Variants in PRPSAP1 observed in about 807,000 individuals in gnomAD.
The protein encoded by PRPSAP1 is phosphoribosyl pyrophosphate synthetase associated protein 1, also known as phosphoribosyl pyrophosphate synthase-associated protein 1.
Under a neutral mutation model 39.4 loss-of-function variants are expected in PRPSAP1, and 31 were observed. That is an observed-to-expected ratio of 0.79 (90% confidence interval 0.59 to 1.06). The LOEUF is 1.06. PRPSAP1 is among the 50% of genes least tolerant of loss of function. The pLI, the probability that PRPSAP1 is intolerant of heterozygous loss-of-function variation, is 0.00. For missense variants in PRPSAP1, 430 were observed against 511.6 expected, an observed-to-expected ratio of 0.84 and a Z score of 1.54; for synonymous variants, 212 against 192.6, an observed-to-expected ratio of 1.10 and a Z score of -0.83.
intron 3 of PRPSAP1, among the ~76,000 whole-genome samples, chr17:76,336,253 C>A (rs955532864): frequency 2.0e-5 from 3 of 152,170 alleles, no homozygotes; most frequent in Non-Finnish European, 2.9e-5. Flanking sequence ...GCCTAACCAA[C>A]ATGGTGAAAG....
At chr17:76,331,575 C>G (rs1291693251) in intron 4 of PRPSAP1, among the ~76,000 whole-genome samples, 1 of 152,124 alleles carries the variant, frequency 6.6e-6, no homozygotes, top group Non-Finnish European at 1.5e-5. Flanking sequence ...TATGCAAATA[C>G]TATGGCATTT....
chr17:76,352,372 G>A (rs1444055259), intron 1 of PRPSAP1, among the ~76,000 whole-genome samples: 2 of 152,114 alleles, frequency 1.3e-5, no homozygotes, highest in African/African-American at 2.4e-5. Flanking sequence ...TTCACCGGGC[G>A]CGGTGGCTGA....
chr17:76,320,045 G>A lies in PRPSAP1; in HGVS notation c.782-6154C>T, dbSNP rs111560040. ...AGCACTTTGGGAGGCCAAGGCAGGC[G>A]GATCACTTGAGGTCAGGAGATGGAG... is the stretch of plus-strand genomic sequence containing the variant. On this transcript the variant is annotated intron_variant, in intron 7 of 9. Transcript: ENST00000446526. Among the ~76,000 whole-genome samples, 32 of 152,042 alleles carry A rather than the reference G, an allele frequency of 2.1e-4. No individual in the cohort carries two copies. The East Asian group carries it at 3.9e-3, about 19-fold the overall frequency.
intron 2 of PRPSAP1, among the ~76,000 whole-genome samples, chr17:76,346,556 ACT>A (rs2071503101): frequency 6.6e-6 from 1 of 152,208 alleles, no homozygotes; most frequent in Admixed American, 6.6e-5. Flanking sequence ...CAGTGATGCC[ACT>A]GAGATGGCGC....
At chr17:76,343,694 G>A (rs756634008) in intron 3 of PRPSAP1, among the ~76,000 whole-genome samples, 1 of 152,026 alleles carries the variant, frequency 6.6e-6, no homozygotes, top group Non-Finnish European at 1.5e-5. Flanking sequence ...AATTAACTGG[G>A]CATGGTGGTG....
In PRPSAP1 at chr17:76,353,708, C is replaced by T. The variant is rs2071608321; in HGVS notation, c.-5G>A. 1.4e-6 allele frequency: 2 copies of T among 1,457,050 alleles called. No individual in the cohort carries two copies. Among genetic ancestry groups the T allele is most frequent in the Non-Finnish European group, 1.8e-6 (2 of 1,112,336 alleles). 90.3% of individuals were successfully genotyped at this position (1,457,050 alleles called of 1,614,324 possible). A position where few individuals can be genotyped will look rare whatever the true frequency, so the allele number is the denominator to read the frequency against. On this transcript the variant is annotated 5_prime_UTR_variant, in exon 1 of 10. Coordinates refer to ENST00000446526, the MANE Select transcript of PRPSAP1 (RefSeq NM_002766.3). ...CAGCAGCAGCTTCTTGGGCATCGTC[C>T]GGCCCGCGGCGCGGTTACGACCGGC...
At chr17:76,333,700 C>T (rs2071350020) in intron 3 of PRPSAP1, among the ~76,000 whole-genome samples, 3 of 151,938 alleles carry the variant, frequency 2.0e-5, no homozygotes, top group South Asian at 4.2e-4. Context: ...CCTTTCTTTC[C>T]CTGACATATA....
intron 2 of PRPSAP1, among the ~76,000 whole-genome samples, chr17:76,345,383 C>A (rs1289806306): frequency 6.6e-6 from 1 of 151,608 alleles, no homozygotes; most frequent in African/African-American, 2.4e-5. Flanking sequence ...AGAAGAATCA[C>A]TTGAACCTGG....
Position 76,330,568 on chromosome 17 carries a change from G to A in PRPSAP1, c.562C>T (p.Gln188Ter). 2 of 1,605,846 alleles carry A rather than the reference G, an allele frequency of 1.2e-6. No individual in the cohort carries two copies. The highest frequency in any genetic ancestry group is 1.7e-6 in the Non-Finnish European group (2 of 1,173,580). Residue 188 changes from glutamine (Q) to a stop codon, truncating the protein, a stop_gained, in exon 5 of 10, where the codon CAG becomes TAG. Coordinates refer to ENST00000446526, the MANE Select transcript of PRPSAP1 (RefSeq NM_002766.3). LOFTEE classifies it high-confidence loss of function. ...TTCCTCACTTCTTCCTGGATATACTGAAGCAGGAAAGGTGAGGCTCTAAGG... is the reference window on the plus strand; with the variant it reads ...TTCCTCACTTCTTCCTGGATATACTAAAGCAGGAAAGGTGAGGCTCTAAGG... ...DNLRASPFLL[Q>*]YIQEEIPNYR...
chr17:76,329,852 C>A (rs1329796582), intron 6 of PRPSAP1, among the ~76,000 whole-genome samples, 191 bp downstream of exon 6: 1 of 152,026 alleles, frequency 6.6e-6, no homozygotes, highest in Non-Finnish European at 1.5e-5. Flanking sequence ...AGCAACTCAG[C>A]GATCATGTGT....
chr17:76,345,706 C>T (rs1396512204), intron 2 of PRPSAP1: 1 of 166,888 alleles, frequency 6.0e-6, no homozygotes, highest in African/African-American at 2.4e-5. Context: ...AACATTTTAT[C>T]TGGGGCAAAA....
chr17:76,320,414 C>A, intron 7 of PRPSAP1, among the ~76,000 whole-genome samples: 1 of 139,808 alleles, frequency 7.2e-6, no homozygotes, highest in African/African-American at 2.7e-5. Context: ...TGTTGCTTTG[C>A]AGATAATGCT....
chr17:76,334,262 A>G (rs760894854), intron 3 of PRPSAP1, among the ~76,000 whole-genome samples: 2 of 151,382 alleles, frequency 1.3e-5, no homozygotes, highest in Non-Finnish European at 2.9e-5. Flanking sequence ...CAGGTTCTTC[A>G]GGTACCAGTT....
chr17:76,334,368 T>C lies in PRPSAP1; in HGVS notation c.291-1933A>G, dbSNP rs112362648. 1.9e-3 allele frequency among the ~76,000 whole-genome samples: 285 copies of C among 152,360 alleles called. 1 individual carries two copies. The highest frequency in any genetic ancestry group is 6.3e-3 in the African/African-American group (264 of 41,592). On this transcript the variant is annotated intron_variant, in intron 3 of 9. Transcript: ENST00000446526. ...GCCATACACACAGCAGAGTTAGCGT[T>C]TGCTGAATAGGTGGCTGAATGAAAT...
rs868428787 is a variant in PRPSAP1, at chr17:76,353,778, G to A, written c.-75C>T. The A allele has an allele frequency of 3.2e-5, 45 of 1,394,886 alleles. No homozygotes were observed. Among genetic ancestry groups the A allele is most frequent in the Middle Eastern group, 5.3e-4 (2 of 3,768 alleles). 86.4% of individuals were successfully genotyped at this position (1,394,886 alleles called of 1,614,324 possible). ...TGAGTGCTTCCGACTGCGAGACCCC[G>A]GTTTGGGTGGGGAAGGCGCTGAGAA... On this transcript the variant is annotated 5_prime_UTR_variant, in exon 1 of 10. Coordinates refer to ENST00000446526, the MANE Select transcript of PRPSAP1 (RefSeq NM_002766.3).
intron 1 of PRPSAP1, 104 bp from the exon 2 acceptor site, chr17:76,348,685 G>C: frequency 1.2e-6 from 1 of 847,252 alleles, no homozygotes; most frequent in Non-Finnish European, 1.8e-6. Context: ...TAATTAAGCT[G>C]CCATTCTTTC....
intron 9 of PRPSAP1, 137 bp downstream of exon 9, chr17:76,312,732 CT>C: frequency 9.0e-7 from 1 of 1,110,064 alleles, no homozygotes. Flanking sequence ...AAACATGTAT[CT>C]GTCCCAACGA....
chr17:76,345,873 A>G, intron 2 of PRPSAP1: 1 of 418,820 alleles, frequency 2.4e-6, no homozygotes, highest in African/African-American at 2.1e-5. Flanking sequence ...ATGCTAAGGG[A>G]GATGAGGCCA....
At chr17:76,346,790 G>C (rs2071506207) in intron 2 of PRPSAP1, among the ~76,000 whole-genome samples, 1 of 152,134 alleles carries the variant, frequency 6.6e-6, no homozygotes, top group Non-Finnish European at 1.5e-5. Context: ...CAGCACTTTG[G>C]GAGGCTGAGG....
Sources: allele counts gnomAD v4.1 joint callset (sites outside exome capture counted in the v4.1 genomes callset), GRCh38; gene constraint gnomAD v4.1.1; transcripts MANE v1.5; gene names NCBI Gene and HGNC (gene_info 2026-07-23, HGNC 2026-07-21).